The following PAX3 variants were observed in gnomAD, a reference collection of about 807,000 sequenced individuals.
PAX3 encodes paired box 3.
In PAX3, 14 loss-of-function variants were observed where a neutral mutation model predicts 51.6. That is an observed-to-expected ratio of 0.27 (90% CI 0.18 to 0.42). The LOEUF (loss-of-function observed/expected upper bound fraction) is 0.42, where lower values mean the gene tolerates loss of function less well. Ranked by LOEUF, PAX3 falls within the 10% of genes least tolerant of loss-of-function variation. PAX3 has a pLI of 1.00. For missense variants in PAX3, 540 were observed against 642.8 expected (o/e 0.84, Z 1.73); for synonymous variants, 280 against 253.4 (o/e 1.11, Z -1.00).
At position 222,216,098 on chromosome 2, in the gene PAX3, G is replaced by A. The variant is rs563748850; in HGVS notation, c.1173+4042C>T. ...ACCATTTGTGAAGCCATTCAACCATGGCTGCAAGAAAATTCAGTCGAATAT... is the reference window on the plus strand; with the variant it reads ...ACCATTTGTGAAGCCATTCAACCATAGCTGCAAGAAAATTCAGTCGAATAT... On this transcript the variant is annotated intron_variant, in intron 7 of 8. Coordinates refer to ENST00000392070, the MANE Select transcript of PAX3 (RefSeq NM_181458.4). Among the ~76,000 whole-genome samples, 31 of 152,260 alleles carry A rather than the reference G, an allele frequency of 2.0e-4. No individual in the cohort carries two copies. In the Middle Eastern group the frequency reaches 0.017, roughly 84 times the overall value.
chr2:222,206,663 G>T (rs141796931), intron 7 of PAX3, among the ~76,000 whole-genome samples: 116 of 152,146 alleles, frequency 7.6e-4, no homozygotes, highest in African/African-American at 2.4e-3. Context: ...GAAAAACTAA[G>T]TCTTACAATT....
Position 222,263,336 on chromosome 2 carries a change from T to C in PAX3, c.586+30831A>G, listed in dbSNP as rs544142462. 240 of 152,284 alleles carry C rather than the reference T, an allele frequency of 1.6e-3. 2 individuals carry two copies. The highest frequency in any genetic ancestry group is 3.0e-3 in the Non-Finnish European group (206 of 67,986). The allele number at this position is 152,284 out of a possible 1,614,324, so 9.4% of individuals were successfully genotyped here. ...TGAATAGACATTTCACCAAAGAGGA[T>C]ATATGGTTGGCAAATAAGGACATGA... On this transcript the variant is annotated intron_variant, in intron 4 of 8. Coordinates refer to ENST00000392070, the MANE Select transcript of PAX3 (RefSeq NM_181458.4).
intron 4 of PAX3, among the ~76,000 whole-genome samples, chr2:222,232,748 T>C (rs1178983621): frequency 6.6e-6 from 1 of 152,160 alleles, no homozygotes; most frequent in Non-Finnish European, 1.5e-5. Flanking sequence ...TTCACCAACA[T>C]TTACATTATG....
At chr2:222,222,552 C>T (rs183880886) in intron 5 of PAX3, among the ~76,000 whole-genome samples, 125 of 152,136 alleles carry the variant, frequency 8.2e-4, no homozygotes, top group Middle Eastern at 3.4e-3. Context: ...TACAGGCACC[C>T]GCCACCATGC....
Position 222,272,541 on chromosome 2 carries a change from G to A in PAX3, c.586+21626C>T, listed in dbSNP as rs45470192. 6.0e-3 allele frequency among the ~76,000 whole-genome samples: 920 copies of A among 152,278 alleles called. 6 individuals are homozygous for A. The highest frequency in any genetic ancestry group is 0.011 in the Admixed American group (162 of 15,288). On this transcript the variant is annotated intron_variant, in intron 4 of 8. Transcript: ENST00000392070. Reference sequence around the variant, plus strand: ...ATGGCTTTGGTTAAGTTTTGTTGATGGAGGCTCATGTTTAACCAACTGTTT... The same window carrying A: ...ATGGCTTTGGTTAAGTTTTGTTGATAGAGGCTCATGTTTAACCAACTGTTT...
intron 4 of PAX3, among the ~76,000 whole-genome samples, chr2:222,281,507 T>G (rs1306812392): frequency 5.3e-5 from 8 of 152,218 alleles, no homozygotes; most frequent in Admixed American, 4.6e-4. Flanking sequence ...TCCCTTCACC[T>G]GTATAGATAA....
At chr2:222,209,965 A>C (rs530457169) in intron 7 of PAX3, among the ~76,000 whole-genome samples, 2 of 152,106 alleles carry the variant, frequency 1.3e-5, no homozygotes, top group Non-Finnish European at 1.5e-5. Context: ...CTGAGAACAC[A>C]GTCTCCCAAA....
intron 4 of PAX3, chr2:222,263,531 CAGA>C (rs1477987745): frequency 1.3e-5 from 2 of 152,206 alleles, no homozygotes; most frequent in South Asian, 2.1e-4. Context: ...TGGTGGAATG[CAGA>C]AGGATAGAGT....
At chr2:222,285,357 T>C (rs988628479) in intron 4 of PAX3, among the ~76,000 whole-genome samples, 2 of 152,206 alleles carry the variant, frequency 1.3e-5, no homozygotes, top group Admixed American at 1.3e-4. Context: ...AACTAGGAAG[T>C]TAGTACTCAA....
At chr2:222,286,588 G>C (rs1694842305) in intron 4 of PAX3, among the ~76,000 whole-genome samples, 1 of 152,216 alleles carries the variant, frequency 6.6e-6, no homozygotes, top group African/African-American at 2.4e-5. Flanking sequence ...AAAAAATCCT[G>C]CAGCAAAATG....
At chr2:222,281,564 G>A (rs758706884) in intron 4 of PAX3, among the ~76,000 whole-genome samples, 4 of 152,170 alleles carry the variant, frequency 2.6e-5, no homozygotes, top group Admixed American at 6.5e-5. Flanking sequence ...GCCACTATGG[G>A]CCTAGAAGCA....
rs1450032397 is a variant in PAX3, at chr2:222,242,992, TAAC to T, written c.587-10712_587-10710del. Among the ~76,000 whole-genome samples, 4 of 152,298 alleles carry T rather than the reference TAAC, an allele frequency of 2.6e-5. No individual in the cohort carries two copies. The East Asian group carries it at 5.8e-4, about 22-fold the overall frequency. On this transcript the variant is annotated intron_variant, in intron 4 of 8. Transcript: ENST00000392070. ...ACAAAGGTTCAATATGTAAAGGAGATAACAAGTTAGTTATACAGAGAGCCTCTT... is the reference window on the plus strand; with the variant it reads ...ACAAAGGTTCAATATGTAAAGGAGATAAGTTAGTTATACAGAGAGCCTCTT...
At chr2:222,232,306 C>T in intron 4 of PAX3, 23 bp from the exon 5 acceptor site, 1 of 1,599,996 alleles carries the variant, frequency 6.3e-7, no homozygotes, top group Non-Finnish European at 8.6e-7. Flanking sequence ...AAGAACAAAA[C>T]ATCATAAAAT....
At chr2:222,256,457 C>T (rs931558641) in intron 4 of PAX3, among the ~76,000 whole-genome samples, 1 of 151,926 alleles carries the variant, frequency 6.6e-6, no homozygotes, top group Non-Finnish European at 1.5e-5. Context: ...GCAGGCACTT[C>T]CTGATCCTTC....
chr2:222,251,425 G>T (rs977986576), intron 4 of PAX3, among the ~76,000 whole-genome samples: 1 of 152,088 alleles, frequency 6.6e-6, no homozygotes, highest in Admixed American at 6.5e-5. Flanking sequence ...CCCTACAAAG[G>T]ACATGAACTC....
chr2:222,282,365 A>G (rs773677276), intron 4 of PAX3, among the ~76,000 whole-genome samples: 6 of 152,190 alleles, frequency 3.9e-5, no homozygotes, highest in Non-Finnish European at 8.8e-5. Flanking sequence ...GACTGAAATG[A>G]TTTGGTGGAA....
chr2:222,200,577 C>T lies in PAX3; in HGVS notation c.*831G>A, dbSNP rs995266252. 1 of 244,036 alleles carries T rather than the reference C, an allele frequency of 4.1e-6. No individual in the cohort carries two copies. Among genetic ancestry groups the T allele is most frequent in the African/African-American group, 2.2e-5 (1 of 45,260 alleles). The allele number at this position is 244,036 out of a possible 1,614,324, so 15.1% of individuals were successfully genotyped here. On this transcript the variant is annotated 3_prime_UTR_variant, in exon 9 of 9. Coordinates refer to ENST00000392070, the MANE Select transcript of PAX3 (RefSeq NM_181458.4). ...TCCATGAGGTACACAGTATTGCACA[C>T]TGATAAGCAGATATGTGAATGCATG... is the stretch of plus-strand genomic sequence containing the variant.
intron 4 of PAX3, 113 bp downstream of exon 4, chr2:222,294,054 A>C: frequency 6.3e-7 from 1 of 1,576,004 alleles, no homozygotes; most frequent in Non-Finnish European, 8.6e-7. Flanking sequence ...GACACCGCGC[A>C]TGAAGGGACC....
At chr2:222,226,310 C>T (rs1214432355) in intron 5 of PAX3, among the ~76,000 whole-genome samples, 2 of 152,190 alleles carry the variant, frequency 1.3e-5, no homozygotes, top group African/African-American at 4.8e-5. Flanking sequence ...TTCACTCTCA[C>T]CTCCTTTCTC....
Sources: allele counts gnomAD v4.1 joint callset (sites outside exome capture counted in the v4.1 genomes callset), GRCh38; gene constraint gnomAD v4.1.1; transcripts MANE v1.5; gene names NCBI Gene and HGNC (gene_info 2026-07-23, HGNC 2026-07-21).